The following SHISA9 variants were observed in gnomAD, a reference collection of about 807,000 sequenced individuals.
The protein encoded by SHISA9 is protein shisa-9.
Under a neutral mutation model 38.0 loss-of-function variants are expected in SHISA9, and 13 were observed. The observed-to-expected ratio is 0.34, with a 90% confidence interval of 0.22 to 0.54. The LOEUF (loss-of-function observed/expected upper bound fraction) is 0.54. SHISA9 is among the 20% of genes least tolerant of loss of function. The pLI is 0.91. For synonymous variants in SHISA9, 275 were observed against 242.0 expected (o/e 1.14, Z -1.27); for missense variants, 538 against 575.8 (o/e 0.93, Z 0.67).
At chr16:13,421,983 T>C in the SHISA9 span, among the ~76,000 whole-genome samples, 1 of 152,226 alleles carries the variant, frequency 6.6e-6, no homozygotes. Flanking sequence ...TGGGGCTCTT[T>C]TCTGCCTGCA....
Position 13,238,515 on chromosome 16 carries a change from G to A in SHISA9, c.*3106G>A, listed in dbSNP as rs1249465718. ...GTCTTTCTTGGCCTCTAAATCTGTA[G>A]TATTGTATTCCTTCTGCATGCTCCT... On this transcript the variant is annotated 3_prime_UTR_variant, in exon 5 of 5. Transcript: ENST00000558583. 1 of 152,120 alleles carries A rather than the reference G, an allele frequency of 6.6e-6. No individual in the cohort carries two copies. Among genetic ancestry groups the A allele is most frequent in the East Asian group, 1.9e-4 (1 of 5,178 alleles). The allele number at this position is 152,120 out of a possible 1,614,324, so 9.4% of individuals were successfully genotyped here. A position where few individuals can be genotyped will look rare whatever the true frequency, so the allele number is the denominator to read the frequency against.
At chr16:13,003,287 A>C (rs964575854) in intron 2 of SHISA9, among the ~76,000 whole-genome samples, 6 of 152,194 alleles carry the variant, frequency 3.9e-5, no homozygotes. Flanking sequence ...GGCAGGGGGA[A>C]AACATGATCT....
At chr16:13,189,052 G>A (rs1408951560) in intron 2 of SHISA9, among the ~76,000 whole-genome samples, 1 of 152,202 alleles carries the variant, frequency 6.6e-6, no homozygotes, top group East Asian at 1.9e-4. Flanking sequence ...ACCATCAGAA[G>A]CTAGGAGAGA....
At chr16:12,910,750 A>G in intron 1 of SHISA9, 1 of 980,896 alleles carries the variant, frequency 1.0e-6, no homozygotes, top group Non-Finnish European at 1.2e-6. Context: ...GGTTCTCTAG[A>G]GAAACAGAAC....
chr16:13,056,782 C>T (rs1026623453), intron 2 of SHISA9, among the ~76,000 whole-genome samples: 7 of 152,172 alleles, frequency 4.6e-5, no homozygotes, highest in African/African-American at 1.7e-4. Context: ...ACACAGCAGT[C>T]AGTGAGTGCT....
intron 2 of SHISA9, among the ~76,000 whole-genome samples, chr16:13,155,557 T>C (rs941713267): frequency 3.3e-5 from 5 of 151,714 alleles, no homozygotes; most frequent in Admixed American, 6.6e-5. Context: ...GGATGGCCTC[T>C]GGCCTTTCAT....
intron 2 of SHISA9, among the ~76,000 whole-genome samples, chr16:13,168,906 A>G (rs2050661257): frequency 6.6e-6 from 1 of 152,206 alleles, no homozygotes; most frequent in Non-Finnish European, 1.5e-5. Context: ...AGAACTGGAG[A>G]CAGATGACGC....
chr16:13,219,790 CT>C (rs1354966248), intron 4 of SHISA9, among the ~76,000 whole-genome samples: 1 of 152,084 alleles, frequency 6.6e-6, no homozygotes, highest in Non-Finnish European at 1.5e-5. Context: ...GTGAAATTGT[CT>C]CTACAAAAAT....
At chr16:12,985,758 T>A (rs917203473) in intron 2 of SHISA9, among the ~76,000 whole-genome samples, 1 of 152,218 alleles carries the variant, frequency 6.6e-6, no homozygotes, top group African/African-American at 2.4e-5. Flanking sequence ...TCTGCAATCT[T>A]TGACTTTCCT....
At chr16:13,306,511 A>G in the SHISA9 span, among the ~76,000 whole-genome samples, 22 of 152,200 alleles carry the variant, frequency 1.4e-4, no homozygotes, top group African/African-American at 5.3e-4. Context: ...AAACTTAATG[A>G]TAGCATTCTG....
chr16:13,333,085 G>A, the SHISA9 span, among the ~76,000 whole-genome samples: 1 of 152,210 alleles, frequency 6.6e-6, no homozygotes, highest in African/African-American at 2.4e-5. Context: ...GCCCTTCACT[G>A]GAGAAGGGGG....
At chr16:13,090,516 T>A (rs909684552) in intron 2 of SHISA9, among the ~76,000 whole-genome samples, 1 of 152,228 alleles carries the variant, frequency 6.6e-6, no homozygotes, top group African/African-American at 2.4e-5. Context: ...TTTAGGATAG[T>A]TAGCTCTTCT....
intron 2 of SHISA9, among the ~76,000 whole-genome samples, chr16:13,164,297 T>G (rs1011352717): frequency 1.3e-5 from 2 of 152,106 alleles, no homozygotes; most frequent in Admixed American, 6.5e-5. Flanking sequence ...TGGATTGAAA[T>G]TCAAGTGGTA....
At chr16:13,528,103 C>A in the SHISA9 span, among the ~76,000 whole-genome samples, 1 of 152,170 alleles carries the variant, frequency 6.6e-6, no homozygotes, top group East Asian at 1.9e-4. Context: ...TTCGGGGGGC[C>A]TCAATTAATC....
the SHISA9 span, among the ~76,000 whole-genome samples, chr16:13,290,202 T>C: frequency 6.6e-6 from 1 of 152,184 alleles, no homozygotes; most frequent in African/African-American, 2.4e-5. Context: ...CATGTAGCAA[T>C]AATGTTGAAT....
In SHISA9 at chr16:13,190,358, G is replaced by C. The variant is rs542561867; in HGVS notation, c.692-13036G>C. On this transcript the variant is annotated intron_variant, in intron 2 of 4. Coordinates refer to ENST00000558583, the MANE Select transcript of SHISA9 (RefSeq NM_001145204.3). ...CCCTTTAGTCTTTAGAATGATGATG[G>C]TGAGCCACCAAGGGTGAGTTATGGG... 3.3e-3 allele frequency among the ~76,000 whole-genome samples: 508 copies of C among 152,122 alleles called. 3 individuals carry two copies. The highest frequency in any genetic ancestry group is 0.012 in the African/African-American group (478 of 41,490).
chr16:13,042,391 T>A (rs1196878095), intron 2 of SHISA9, among the ~76,000 whole-genome samples: 1 of 152,210 alleles, frequency 6.6e-6, no homozygotes, highest in Non-Finnish European at 1.5e-5. Flanking sequence ...CTGCAATGAA[T>A]GGAAAATGCA....
At chr16:12,939,301 C>G (rs182501338) in intron 2 of SHISA9, among the ~76,000 whole-genome samples, 1 of 152,192 alleles carries the variant, frequency 6.6e-6, no homozygotes, top group South Asian at 2.1e-4. Flanking sequence ...CCAAGCTGGT[C>G]TCAAACTCCT....
At chr16:13,019,362 A>G (rs1259744606) in intron 2 of SHISA9, among the ~76,000 whole-genome samples, 3 of 151,860 alleles carry the variant, frequency 2.0e-5, no homozygotes, top group Admixed American at 1.3e-4. Context: ...CGGCAGATCC[A>G]TTTTCTGGTG....
Sources: allele counts gnomAD v4.1 joint callset (sites outside exome capture counted in the v4.1 genomes callset), GRCh38; gene constraint gnomAD v4.1.1; transcripts MANE v1.5; gene names NCBI Gene and HGNC (gene_info 2026-07-23, HGNC 2026-07-21).